The following APOOL variants were observed in gnomAD, a reference collection of about 807,000 sequenced individuals.
The protein encoded by APOOL is apolipoprotein O like.
Under a neutral mutation model 23.1 loss-of-function variants are expected in APOOL, and 12 were observed. That is an observed-to-expected ratio of 0.52 (90% CI 0.33 to 0.84). The LOEUF (loss-of-function observed/expected upper bound fraction) is 0.84. Ranked by LOEUF, APOOL falls within the 40% of genes least tolerant of loss-of-function variation. The probability of loss-of-function intolerance (pLI) is 0.02; values close to 1 mark genes in which losing one functional copy is unlikely to be tolerated. For missense variants in APOOL, 212 were observed against 199.6 expected, an observed-to-expected ratio of 1.06 and a Z score of -0.37; for synonymous variants, 77 against 69.9, an observed-to-expected ratio of 1.10 and a Z score of -0.51.
intron 1 of APOOL, among the ~76,000 whole-genome samples, chrX:85,015,019 A>G (rs1287357609): frequency 1.8e-5 from 2 of 109,989 alleles, no homozygotes; most frequent in Non-Finnish European, 3.8e-5. Context: ...TCATTTTTTT[A>G]GATTGCTTTT....
chrX:85,057,948 C>T (rs1170471691), intron 5 of APOOL, among the ~76,000 whole-genome samples: 4 of 110,751 alleles, frequency 3.6e-5, no homozygotes, highest in African/African-American at 1.3e-4. Flanking sequence ...GGTCATTCAC[C>T]GTGTTTTCAA....
In APOOL at chrX:85,092,552, T is replaced by C; in HGVS notation, c.*4874T>C. ...AAGTGCATGCAGTTACATTGAGTTG[T>C]GATGGCTATCTGTTTAAAAACAAAC... On this transcript the variant is annotated 3_prime_UTR_variant, in exon 9 of 9. Coordinates refer to ENST00000373173, the MANE Select transcript of APOOL (RefSeq NM_198450.6). 8.3e-7 allele frequency: 1 copy of C among 1,205,387 alleles called. No individual in the cohort carries two copies. Among genetic ancestry groups the C allele is most frequent in the South Asian group, 1.8e-5 (1 of 55,926 alleles).
Position 85,093,261 on chromosome X carries a change from T to A in APOOL, c.*5583T>A. On this transcript the variant is annotated 3_prime_UTR_variant, in exon 9 of 9. Coordinates refer to ENST00000373173, the MANE Select transcript of APOOL (RefSeq NM_198450.6). ...GACAATGCAAAGTGAAAACTGCAAA[T>A]TTCACTTAACTTGTTATTTGCTTTA... 3 of 1,131,649 alleles carry A rather than the reference T, an allele frequency of 2.7e-6. No individual in the cohort carries two copies. The highest frequency in any genetic ancestry group is 3.5e-6 in the Non-Finnish European group (3 of 845,272). 93.3% of individuals were successfully genotyped at this position (1,131,649 alleles called of 1,213,427 possible).
intron 6 of APOOL, among the ~76,000 whole-genome samples, chrX:85,071,604 A>G (rs1161082921): frequency 9.0e-6 from 1 of 111,623 alleles, no homozygotes; most frequent in Non-Finnish European, 1.9e-5. Context: ...ATACCTGTTT[A>G]ATCTTGAGAT....
In APOOL at chrX:85,087,515, C is replaced by T. The variant is rs1052919302; in HGVS notation, c.719-75C>T. ...ACTAGAGATTTTTATCTGGTTTGTT[C>T]GCTGCTGTCTTCCCAGTATCAAAAA... On this transcript the variant is annotated intron_variant, in intron 8 of 8. Transcript: ENST00000373173. 23 of 901,348 alleles carry T rather than the reference C, an allele frequency of 2.6e-5. No homozygotes were observed. The East Asian group carries it at 3.1e-4, about 12-fold the overall frequency. The allele number at this position is 901,348 out of a possible 1,213,427, so 74.3% of individuals were successfully genotyped here.
At chrX:85,036,133 T>A (rs1389853800) in intron 1 of APOOL, among the ~76,000 whole-genome samples, 1 of 112,229 alleles carries the variant, frequency 8.9e-6, no homozygotes, top group Non-Finnish European at 1.9e-5. Context: ...CCCATTTGTT[T>A]GTGTCATCTC....
intron 5 of APOOL, among the ~76,000 whole-genome samples, chrX:85,058,594 A>G (rs1882985887): frequency 9.0e-6 from 1 of 111,628 alleles, no homozygotes; most frequent in Non-Finnish European, 1.9e-5. Context: ...ATACCTAGTA[A>G]TGGGATTGCT....
chrX:85,041,261 T>C (rs983630030), intron 1 of APOOL, among the ~76,000 whole-genome samples: 2 of 111,736 alleles, frequency 1.8e-5, no homozygotes, highest in African/African-American at 3.3e-5. Context: ...GCCACTTTTC[T>C]GTAAGGCTGC....
chrX:85,027,514 G>A (rs775823035), intron 1 of APOOL, among the ~76,000 whole-genome samples: 4 of 111,430 alleles, frequency 3.6e-5, no homozygotes, highest in African/African-American at 1.3e-4. Context: ...TTATTTGTTT[G>A]GTGGCTTTCC....
At chrX:85,081,092 A>G (rs1219117954) in intron 8 of APOOL, among the ~76,000 whole-genome samples, 1 of 111,617 alleles carries the variant, frequency 9.0e-6, no homozygotes, top group South Asian at 3.8e-4. Context: ...GCCCATTTAC[A>G]TTTAAGGTTA....
In APOOL at chrX:85,092,286, T is replaced by G; in HGVS notation, c.*4608T>G. The stretch of plus-strand genomic sequence containing the variant: ...TAAAAGATCTGCTCAAACAAGAATG[T>G]GATGATCACTTGCTGTATTGTACAA... On this transcript the variant is annotated 3_prime_UTR_variant, in exon 9 of 9. Coordinates refer to ENST00000373173, the MANE Select transcript of APOOL (RefSeq NM_198450.6). 2 of 854,596 alleles carry G rather than the reference T, an allele frequency of 2.3e-6. No homozygotes were observed. Among genetic ancestry groups the G allele is most frequent in the Admixed American group, 8.0e-5 (2 of 24,978 alleles). 70.4% of individuals were successfully genotyped at this position (854,596 alleles called of 1,213,427 possible). A position where few individuals can be genotyped will look rare whatever the true frequency, so the allele number is the denominator to read the frequency against.
rs1234064494 is a variant in APOOL, at chrX:85,089,957, T to C, written c.*2279T>C. On this transcript the variant is annotated 3_prime_UTR_variant, in exon 9 of 9. Coordinates refer to ENST00000373173, the MANE Select transcript of APOOL (RefSeq NM_198450.6). The stretch of plus-strand genomic sequence containing the variant: ...AACTAGTTAAACAAATATTTAATAT[T>C]AGCTTAAGCAAAAAAAAAAAAAAAG... The C allele has an allele frequency of 1.4e-5, 1 of 71,642 alleles. No homozygotes were observed. The highest frequency in any genetic ancestry group is 2.7e-5 in the Non-Finnish European group (1 of 37,725). The allele number at this position is 71,642 out of a possible 1,213,427, so 5.9% of individuals were successfully genotyped here. A position where few individuals can be genotyped will look rare whatever the true frequency, so the allele number is the denominator to read the frequency against.
chrX:85,052,307 C>T (rs1250159528), intron 3 of APOOL, among the ~76,000 whole-genome samples: 1 of 112,043 alleles, frequency 8.9e-6, no homozygotes, highest in Non-Finnish European at 1.9e-5. Flanking sequence ...GTAGAATACA[C>T]GTGACTTTAA....
intron 5 of APOOL, among the ~76,000 whole-genome samples, chrX:85,062,890 T>G (rs771132048): frequency 1.1e-4 from 12 of 111,942 alleles, no homozygotes; most frequent in Non-Finnish European, 2.1e-4. Context: ...TTTTTTCTAA[T>G]TCTGTGAAGA....
intron 8 of APOOL, among the ~76,000 whole-genome samples, chrX:85,079,637 A>G (rs188032257): frequency 7.2e-5 from 8 of 111,474 alleles, no homozygotes; most frequent in African/African-American, 2.0e-4. Context: ...CTCTTTTTCT[A>G]TTGATTGGAA....
intron 1 of APOOL, among the ~76,000 whole-genome samples, chrX:85,041,630 C>T (rs1044970694): frequency 3.6e-5 from 4 of 111,258 alleles, no homozygotes; most frequent in Admixed American, 9.5e-5. Flanking sequence ...CTCAGGAGTC[C>T]AAGGCCCTTG....
chrX:85,024,549 C>T (rs1002320334), intron 1 of APOOL, among the ~76,000 whole-genome samples: 4 of 112,383 alleles, frequency 3.6e-5, no homozygotes, highest in African/African-American at 1.3e-4. Context: ...TAGAGTGTTG[C>T]CAGTTTTCAC....
At chrX:85,057,158 G>C (rs917028232) in intron 5 of APOOL, among the ~76,000 whole-genome samples, 1 of 111,194 alleles carries the variant, frequency 9.0e-6, no homozygotes, top group Non-Finnish European at 1.9e-5. Flanking sequence ...ATTAGGAATA[G>C]AGCTACTATG....
intron 1 of APOOL, among the ~76,000 whole-genome samples, chrX:85,023,721 A>G (rs1270072805): frequency 8.9e-6 from 1 of 112,442 alleles, no homozygotes; most frequent in Non-Finnish European, 1.9e-5. Flanking sequence ...GATTAAGGCA[A>G]CAGAGTAGAG....
Sources: gnomAD v4.1 joint callset for allele counts (sites outside exome capture counted in the v4.1 genomes callset) on GRCh38, gnomAD v4.1.1 for gene constraint, MANE v1.5 for transcripts, NCBI Gene and HGNC (gene_info 2026-07-23, HGNC 2026-07-21) for gene names.